The following RAB7B variants were observed in gnomAD, a reference collection of about 807,000 sequenced individuals.
The protein encoded by RAB7B is ras-related protein Rab-7b.
At position 205,987,781 on chromosome 1, in the gene RAB7B, AT is replaced by A. The variant is rs1257103822; in HGVS notation, c.397-2117del. ...ATTACCTTCTGTAGAAGGAACAGGG[AT>A]TTTTTTTTAAACTAAATCAGTAATT... is the stretch of plus-strand genomic sequence containing the variant. On this transcript the variant is annotated intron_variant, in intron 4 of 5. Coordinates refer to ENST00000617070, the MANE Select transcript of RAB7B (RefSeq NM_001164522.3). Among the ~76,000 whole-genome samples the A allele has an allele frequency of 3.4e-4, 52 of 151,758 alleles. 1 individual carries two copies. The highest frequency in any genetic ancestry group is 3.4e-3 in the Middle Eastern group (1 of 292).
Position 205,992,681 on chromosome 1 carries a change from G to T in RAB7B, c.195C>A (p.Gly65=). 1 of 398,844 alleles carries T rather than the reference G, an allele frequency of 2.5e-6. No individual in the cohort carries two copies. Among genetic ancestry groups the T allele is most frequent in the Non-Finnish European group, 4.4e-6 (1 of 226,234 alleles). 24.7% of individuals were successfully genotyped at this position (398,844 alleles called of 1,614,324 possible). ...TTLKLQIWDT[G]GQERFRSMVS... ...CCATGGAGCGGAACCGCTCCTGACC[G>T]CCCGTGTCCCAGATCTGGAGGGGAA... Residue 65 remains glycine (G), a synonymous_variant, in exon 4 of 6, where the codon GGC becomes GGA. Coordinates refer to ENST00000617070, the MANE Select transcript of RAB7B (RefSeq NM_001164522.3).
intron 1 of RAB7B, among the ~76,000 whole-genome samples, chr1:206,000,378 T>C (rs1660871989): frequency 6.6e-6 from 1 of 152,218 alleles, no homozygotes; most frequent in Non-Finnish European, 1.5e-5. Context: ...CCAAAGCAAT[T>C]TGAGCGTGAT....
chr1:205,981,465 A>G (rs985915652), intron 5 of RAB7B, among the ~76,000 whole-genome samples: 15 of 148,376 alleles, frequency 1.0e-4, no homozygotes, highest in Middle Eastern at 3.4e-3. Context: ...ACCTACTCTG[A>G]TTTCTTTCAC....
chr1:205,991,404 C>T (rs1022542063), intron 4 of RAB7B, among the ~76,000 whole-genome samples: 1 of 152,164 alleles, frequency 6.6e-6, no homozygotes, highest in Non-Finnish European at 1.5e-5. Flanking sequence ...ACCACAGAAC[C>T]GATGACTCGT....
intron 1 of RAB7B, among the ~76,000 whole-genome samples, chr1:205,996,517 T>A (rs1249276310): frequency 6.6e-5 from 10 of 152,192 alleles, no homozygotes; most frequent in African/African-American, 2.4e-4. Flanking sequence ...CCCCAAAGAC[T>A]CAAGATGCCT....
chr1:205,987,294 T>C (rs1282494682), intron 4 of RAB7B, among the ~76,000 whole-genome samples: 5 of 152,206 alleles, frequency 3.3e-5, no homozygotes, highest in African/African-American at 1.2e-4. Context: ...AGGCTCTGAC[T>C]CTGAAAATAA....
Position 205,985,540 on chromosome 1 carries a change from C to T in RAB7B, c.522G>A (p.Arg174=), listed in dbSNP as rs1027988646. The T allele has an allele frequency of 5.0e-6, 2 of 398,798 alleles. No individual in the cohort carries two copies. Among genetic ancestry groups the T allele is most frequent in the Non-Finnish European group, 8.8e-6 (2 of 226,252 alleles). The allele number at this position is 398,798 out of a possible 1,614,324, so 24.7% of individuals were successfully genotyped here. A position where few individuals can be genotyped will look rare whatever the true frequency, so the allele number is the denominator to read the frequency against. ...FEMLASRALS[R]YQSILENHLT... is the part of the protein sequence containing the mutation. ...AGGTCCTGCCGCCACAGCCACTCAC[C>T]CTCGACAGAGCCCTACTGGCCAGCA... Residue 174 remains arginine, a splice_region_variant and synonymous_variant, in exon 5 of 6, where the codon AGG becomes AGA. Coordinates refer to ENST00000617070, the MANE Select transcript of RAB7B (RefSeq NM_001164522.3).
At chr1:206,001,261 C>G (rs1173051025) in intron 1 of RAB7B, among the ~76,000 whole-genome samples, 2 of 148,374 alleles carry the variant, frequency 1.3e-5, no homozygotes, top group Admixed American at 1.3e-4. Context: ...CTCTGCTGGG[C>G]TTTGGCAGTA....
chr1:205,988,997 C>T (rs1020544509), intron 4 of RAB7B, among the ~76,000 whole-genome samples: 343 of 152,220 alleles, frequency 2.3e-3, no homozygotes, highest in African/African-American at 7.2e-3. Context: ...TCCCACACAC[C>T]TCATCCTCTC....
In RAB7B at chr1:205,977,594, G is replaced by A. The variant is rs1172601485; in HGVS notation, c.*1257C>T. Reference sequence around the variant, plus strand: ...GCTGCCCTCTGGTGGTCAGGCAGCAGAGCATCTAGGAGCCACCCAAGGGAG... The same window carrying A: ...GCTGCCCTCTGGTGGTCAGGCAGCAAAGCATCTAGGAGCCACCCAAGGGAG... On this transcript the variant is annotated 3_prime_UTR_variant, in exon 6 of 6. Transcript: ENST00000617070. 1 of 152,220 alleles carries A rather than the reference G, an allele frequency of 6.6e-6. No individual in the cohort carries two copies. The highest frequency in any genetic ancestry group is 1.5e-5 in the Non-Finnish European group (1 of 68,052). The allele number at this position is 152,220 out of a possible 1,614,324, so 9.4% of individuals were successfully genotyped here.
intron 1 of RAB7B, among the ~76,000 whole-genome samples, chr1:205,995,979 C>A (rs1660805799): frequency 6.6e-6 from 1 of 152,018 alleles, no homozygotes; most frequent in African/African-American, 2.4e-5. Flanking sequence ...ACAGGTTGTA[C>A]ATGGTAAGTG....
chr1:205,990,358 C>T (rs976780256), intron 4 of RAB7B, among the ~76,000 whole-genome samples: 14 of 152,180 alleles, frequency 9.2e-5, no homozygotes, highest in Admixed American at 6.5e-5. Flanking sequence ...CGTTAATGTA[C>T]AACCCCTGGA....
At chr1:205,980,522 T>C (rs997474959) in intron 5 of RAB7B, among the ~76,000 whole-genome samples, 3 of 152,230 alleles carry the variant, frequency 2.0e-5, no homozygotes, top group African/African-American at 7.2e-5. Flanking sequence ...TACAACACTA[T>C]TCCAATGCTT....
chr1:205,990,463 C>T (rs946546329), intron 4 of RAB7B, among the ~76,000 whole-genome samples: 2 of 152,192 alleles, frequency 1.3e-5, no homozygotes, highest in African/African-American at 2.4e-5. Context: ...GCACTGGGCA[C>T]CAGCTACCCT....
At chr1:205,981,432 C>T (rs1312689832) in intron 5 of RAB7B, among the ~76,000 whole-genome samples, 13 of 151,276 alleles carry the variant, frequency 8.6e-5, no homozygotes, top group Non-Finnish European at 1.6e-4. Context: ...CTACTCTGGT[C>T]TCTTTCAGAT....
At chr1:205,999,077 T>C (rs1457294757) in intron 1 of RAB7B, among the ~76,000 whole-genome samples, 1 of 152,214 alleles carries the variant, frequency 6.6e-6, no homozygotes, top group Non-Finnish European at 1.5e-5. Context: ...TGGGTTCTAC[T>C]GTCTGTAAAA....
At chr1:205,988,829 C>T (rs1239136057) in intron 4 of RAB7B, among the ~76,000 whole-genome samples, 2 of 152,160 alleles carry the variant, frequency 1.3e-5, no homozygotes, top group Admixed American at 6.5e-5. Flanking sequence ...AAGAACGTAC[C>T]TCTTGGCTCC....
chr1:205,990,850 C>T (rs1016136384), intron 4 of RAB7B, among the ~76,000 whole-genome samples: 17 of 141,068 alleles, frequency 1.2e-4, no homozygotes, highest in South Asian at 2.2e-4. Flanking sequence ...TGCAGTGGTG[C>T]GATCGCGGCT....
intron 1 of RAB7B, among the ~76,000 whole-genome samples, chr1:205,995,224 T>C (rs1274869298): frequency 3.3e-5 from 5 of 152,136 alleles, no homozygotes; most frequent in African/African-American, 1.2e-4. Context: ...AACCTGCATG[T>C]TGTGCACATG....
Sources: gnomAD v4.1 joint callset for allele counts (sites outside exome capture counted in the v4.1 genomes callset) on GRCh38, gnomAD v4.1.1 for gene constraint, MANE v1.5 for transcripts, NCBI Gene and HGNC (gene_info 2026-07-23, HGNC 2026-07-21) for gene names.